SLC22A7: variants seen among roughly 807,000 people sequenced by gnomAD.
SLC22A7 encodes solute carrier family 22 member 7.
In SLC22A7, 48 loss-of-function variants were observed where a neutral mutation model predicts 62.2. The observed-to-expected ratio is 0.77, with a 90% CI of 0.61 to 0.98. SLC22A7 has a LOEUF of 0.98. Among genes scored for constraint, SLC22A7 ranks in the 50% least tolerant of loss-of-function variants. SLC22A7 has a pLI of 0.00. For synonymous variants in SLC22A7, 276 were observed against 314.8 expected, an observed-to-expected ratio of 0.88 and a Z score of 1.30; for missense variants, 581 against 703.8, an observed-to-expected ratio of 0.83 and a Z score of 1.97.
At position 43,299,924 on chromosome 6, in the gene SLC22A7, C is replaced by T. The variant is rs752856386; in HGVS notation, c.685C>T (p.Arg229Cys). 9.3e-6 allele frequency: 15 copies of T among 1,613,972 alleles called. No homozygotes were observed. The highest frequency in any genetic ancestry group is 2.2e-5 in the East Asian group (1 of 44,886). Residue 229 changes from arginine to cysteine, a missense_variant, in exon 5 of 11, where the codon CGC (arginine) becomes TGC (cysteine). By Grantham distance (180) the Arg-to-Cys change is radical (BLOSUM62 -3). Coordinates refer to ENST00000372585, the MANE Select transcript of SLC22A7 (RefSeq NM_153320.2). This position sits in a 1 kb window ranked among gnomAD's most constrained non-coding sequence, Gnocchi z 4.4. Reference protein sequence around the residue: ...LELEWLDVEHRTVAGVLSSTF... With the variant: ...LELEWLDVEHCTVAGVLSSTF... Reference sequence around the variant, plus strand: ...GCTGGAGTGGCTGGATGTGGAGCACCGCACCGTGGCTGGAGTCCTGAGCAG... The same window carrying T: ...GCTGGAGTGGCTGGATGTGGAGCACTGCACCGTGGCTGGAGTCCTGAGCAG...
chr6:43,300,099 T>C (rs1397322634), intron 5 of SLC22A7, 33 bp downstream of exon 5: 2 of 1,607,384 alleles, frequency 1.2e-6, no homozygotes, highest in East Asian at 2.2e-5. Flanking sequence ...GAGCGGGAGA[T>C]ACAGGAAGTG....
At chr6:43,304,621 T>C (rs758687832) in intron 10 of SLC22A7, 50 bp from the exon 11 acceptor site, 1 of 1,550,916 alleles carries the variant, frequency 6.4e-7, no homozygotes, top group Non-Finnish European at 8.9e-7. Flanking sequence ...GCTGGGGTGG[T>C]AGGCTCGGGG....
rs1778684729 is a variant in SLC22A7, at chr6:43,300,035, C to T, written c.796C>T (p.Leu266=). The T allele has an allele frequency of 6.2e-7, 1 of 1,614,130 alleles. No individual in the cohort carries two copies. Among genetic ancestry groups the T allele is most frequent in the Non-Finnish European group, 8.5e-7 (1 of 1,180,026 alleles). ...GCGATGGCTTCTGCTAGCTGTCACC[C>T]TGCCTTGTGCCCCAGGCATCCTCAG... ...DWRWLLLAVT[L]PCAPGILSLW... The change falls in exon 5 of 11, where the codon CTG becomes TTG. Residue 266 remains leucine (L), a synonymous_variant. Transcript: ENST00000372585.
At chr6:43,300,246 G>A in intron 5 of SLC22A7, 180 bp downstream of exon 5, 1 of 657,964 alleles carries the variant, frequency 1.5e-6, no homozygotes, top group South Asian at 2.0e-5. Context: ...ACAGAAAGAA[G>A]ATGGCAAGGA....
chr6:43,302,075 G>T lies in SLC22A7; in HGVS notation c.1062-125G>T. The T allele has an allele frequency of 1.2e-6, 1 of 822,326 alleles. No individual in the cohort carries two copies. Among genetic ancestry groups the T allele is most frequent in the East Asian group, 2.6e-5 (1 of 38,676 alleles). The allele number at this position is 822,326 out of a possible 1,614,324, so 50.9% of individuals were successfully genotyped here. A position where few individuals can be genotyped will look rare whatever the true frequency, so the allele number is the denominator to read the frequency against. On this transcript the variant is annotated intron_variant, in intron 7 of 10. Transcript: ENST00000372585. This position sits in a 1 kb window ranked among gnomAD's most constrained non-coding sequence, Gnocchi z 5.0. ...TATGGATGTCAGGGAAGGTCCTGGC[G>T]GGGGGACCGGGGGTTGCAGAGACAG...
Position 43,298,829 on chromosome 6 carries a change from T to C in SLC22A7, c.393+78T>C, listed in dbSNP as rs541259745. 8.6e-6 allele frequency: 13 copies of C among 1,504,654 alleles called. No homozygotes were observed. In the African/African-American group the frequency reaches 1.8e-4, roughly 21 times the overall value. 93.2% of individuals were successfully genotyped at this position (1,504,654 alleles called of 1,614,324 possible). ...CCTTGGGTGGTTACTGTGTAGGCAT[T>C]AGATGTATTACTTTACCTCTTAAAG... On this transcript the variant is annotated intron_variant, in intron 1 of 10. Transcript: ENST00000372585.
rs752417868 is a variant in SLC22A7, at chr6:43,301,524, G to C, written c.952-59G>C. ...GAGAGGGGTGGGGGGAGAGTACTGT[G>C]TCCCATTGAGATCACATAGCCAACT... On this transcript the variant is annotated intron_variant, in intron 6 of 10. Transcript: ENST00000372585. 6.0e-6 allele frequency: 8 copies of C among 1,337,118 alleles called. No homozygotes were observed. In the African/African-American group the frequency reaches 1.1e-4, roughly 19 times the overall value. 82.8% of individuals were successfully genotyped at this position (1,337,118 alleles called of 1,614,324 possible). A position where few individuals can be genotyped will look rare whatever the true frequency, so the allele number is the denominator to read the frequency against.
rs1319570409 is a variant in SLC22A7 at position 43,299,836 on chromosome 6, A to G, written c.658+55A>G. Reference sequence around the variant, plus strand: ...AGAGGGCTGGAAGAAGGCAGTTGTCAGAGTGAGGCTGAGCCCATCTGGTCC... The same window carrying G: ...AGAGGGCTGGAAGAAGGCAGTTGTCGGAGTGAGGCTGAGCCCATCTGGTCC... On this transcript the variant is annotated intron_variant, in intron 4 of 10. Transcript: ENST00000372585. The surrounding 1 kb of genome is among the most constrained non-coding windows in gnomAD (Gnocchi z 4.4). 1.9e-6 allele frequency: 3 copies of G among 1,614,110 alleles called. No individual in the cohort carries two copies. Among genetic ancestry groups the G allele is most frequent in the Admixed American group, 3.3e-5 (2 of 60,008 alleles).
At chr6:43,304,608 C>T in intron 10 of SLC22A7, 63 bp from the exon 11 acceptor site, 1 of 1,463,868 alleles carries the variant, frequency 6.8e-7, no homozygotes, top group Non-Finnish European at 9.5e-7. Flanking sequence ...CCTGATGGGG[C>T]AGGCTGGGGT....
chr6:43,301,033 T>C, intron 5 of SLC22A7, 102 bp from the exon 6 acceptor site: 1 of 1,461,440 alleles, frequency 6.8e-7, no homozygotes, highest in Non-Finnish European at 9.4e-7. Flanking sequence ...CTAAGGGGAC[T>C]ACATGAGCAA....
intron 5 of SLC22A7, 99 bp downstream of exon 5, chr6:43,300,165 G>A: frequency 2.4e-6 from 3 of 1,250,432 alleles, no homozygotes; most frequent in South Asian, 1.4e-5. Context: ...GAGAGATGAA[G>A]GGAAAGAGAA....
At chr6:43,304,302 C>T in intron 10 of SLC22A7, 58 bp downstream of exon 10, 1 of 1,357,558 alleles carries the variant, frequency 7.4e-7, no homozygotes, top group Non-Finnish European at 9.8e-7. Context: ...GATGCAGGTG[C>T]TCAGATACCT....
rs1778903206 is a variant in SLC22A7, at chr6:43,305,427, A to G, written c.*702A>G. On this transcript the variant is annotated 3_prime_UTR_variant, in exon 11 of 11. Transcript: ENST00000372585. ...TGTCATCCCAACCCCCACACTCCCC[A>G]TCCTCCAACCCACTGGTCTCATGCC... 1 of 300,826 alleles carries G rather than the reference A, an allele frequency of 3.3e-6. No individual in the cohort carries two copies. The highest frequency in any genetic ancestry group is 5.0e-5 in the Admixed American group (1 of 20,170). 18.6% of individuals were successfully genotyped at this position (300,826 alleles called of 1,614,324 possible). A position where few individuals can be genotyped will look rare whatever the true frequency, so the allele number is the denominator to read the frequency against.
intron 9 of SLC22A7, among the ~76,000 whole-genome samples, chr6:43,303,419 C>T (rs1778825067): frequency 6.6e-6 from 1 of 152,068 alleles, no homozygotes. Context: ...GAGATCATGC[C>T]ATTGCACTCC....
chr6:43,301,481 C>T, intron 6 of SLC22A7, 102 bp from the exon 7 acceptor site: 1 of 1,072,696 alleles, frequency 9.3e-7, no homozygotes, highest in Non-Finnish European at 1.4e-6. Flanking sequence ...ATCCCCACCA[C>T]TGCAGATGGG....
At position 43,305,508 on chromosome 6, in the gene SLC22A7, T is replaced by C. The variant is rs1778905712; in HGVS notation, c.*783T>C. Reference sequence around the variant, plus strand: ...ATTTTATTGAAGAAGCCACAGAGGCTGAAATTCAATAAACACAAGTTTTAT... The same window carrying C: ...ATTTTATTGAAGAAGCCACAGAGGCCGAAATTCAATAAACACAAGTTTTAT... On this transcript the variant is annotated 3_prime_UTR_variant, in exon 11 of 11. Transcript: ENST00000372585. 2.3e-6 allele frequency: 1 copy of C among 434,352 alleles called. No homozygotes were observed. Among genetic ancestry groups the C allele is most frequent in the Non-Finnish European group, 4.2e-6 (1 of 240,120 alleles). The allele number at this position is 434,352 out of a possible 1,614,324, so 26.9% of individuals were successfully genotyped here.
At chr6:43,296,896 T>C (rs1778575336), upstream of SLC22A7, among the ~76,000 whole-genome samples, 1 of 152,080 alleles carries the variant, frequency 6.6e-6, no homozygotes, top group African/African-American at 2.4e-5. Flanking sequence ...GGCCAGTGTA[T>C]GGAGAATGGG....
chr6:43,298,508 C>G lies in SLC22A7; in HGVS notation c.150C>G (p.Ala50=). 6.2e-7 allele frequency: 1 copy of G among 1,613,596 alleles called. No homozygotes were observed. Among genetic ancestry groups the G allele is most frequent in the Non-Finnish European group, 8.5e-7 (1 of 1,180,036 alleles). ...FLAAVPAHRC[A]LPGAPANFSH... is the part of the protein sequence containing the mutation. ...CTGCCGTGCCTGCCCACCGATGTGC[C>G]CTGCCGGGTGCCCCTGCCAACTTCA... The change falls in exon 1 of 11, where the codon GCC becomes GCG. Residue 50 remains alanine (A), a synonymous_variant. Transcript: ENST00000372585.
rs1778789655 is a variant in SLC22A7, at chr6:43,302,475, C to A, written c.1276+61C>A. The stretch of plus-strand genomic sequence containing the variant: ...AGCCGGGCCAGGAACCCTGCCCACT[C>A]CCCGGAGACCCCACCTCCTGGCCAA... On this transcript the variant is annotated intron_variant, in intron 8 of 10. Transcript: ENST00000372585. The surrounding 1 kb of genome is among the most constrained non-coding windows in gnomAD (Gnocchi z 5.0). 1.4e-6 allele frequency: 2 copies of A among 1,404,668 alleles called. No homozygotes were observed. Among genetic ancestry groups the A allele is most frequent in the Non-Finnish European group, 1.9e-6 (2 of 1,045,280 alleles). The allele number at this position is 1,404,668 out of a possible 1,614,324, so 87.0% of individuals were successfully genotyped here. A position where few individuals can be genotyped will look rare whatever the true frequency, so the allele number is the denominator to read the frequency against.
Sources: allele counts gnomAD v4.1 joint callset (sites outside exome capture counted in the v4.1 genomes callset), GRCh38; gene constraint gnomAD v4.1.1; non-coding constraint Gnocchi (gnomAD v3.1); transcripts MANE v1.5; gene names NCBI Gene and HGNC (gene_info 2026-07-23, HGNC 2026-07-21).